NOL4: variants seen among roughly 807,000 people sequenced by gnomAD.
NOL4 encodes cancer/testis antigen 125.
Under a neutral mutation model 75.9 loss-of-function variants are expected in NOL4, and 17 were observed. That is an observed-to-expected ratio of 0.22 (90% CI 0.15 to 0.34). NOL4 has a LOEUF of 0.34. Ranked by LOEUF, NOL4 falls within the 10% of genes least tolerant of loss-of-function variation. NOL4 has a pLI of 1.00. For missense variants in NOL4, 614 were observed against 793.5 expected, an observed-to-expected ratio of 0.77 and a Z score of 2.72; for synonymous variants, 292 against 289.9, an observed-to-expected ratio of 1.01 and a Z score of -0.07.
chr18:34,075,996 A>G (rs1250764780), intron 5 of NOL4, among the ~76,000 whole-genome samples: 7 of 152,108 alleles, frequency 4.6e-5, no homozygotes, highest in African/African-American at 1.4e-4. Flanking sequence ...TAAATTTTTT[A>G]TAAGAAAGAA....
At chr18:33,941,643 GT>G (rs1485199168) in intron 9 of NOL4, among the ~76,000 whole-genome samples, 1 of 151,860 alleles carries the variant, frequency 6.6e-6, no homozygotes, top group Non-Finnish European at 1.5e-5. Context: ...GTCATTTAAA[GT>G]TCTCATAACG....
At chr18:34,169,242 A>G (rs1441340426) in intron 1 of NOL4, among the ~76,000 whole-genome samples, 3 of 152,024 alleles carry the variant, frequency 2.0e-5, no homozygotes, top group Non-Finnish European at 4.4e-5. Flanking sequence ...GATTTATCAC[A>G]TATGTATAGG....
chr18:33,862,683 C>T (rs2144310571), intron 10 of NOL4, among the ~76,000 whole-genome samples: 1 of 152,308 alleles, frequency 6.6e-6, no homozygotes, highest in Non-Finnish European at 1.5e-5. Context: ...CTCACCATCA[C>T]TGGCCATCAG....
In NOL4 at chr18:34,095,832, T is replaced by C. The variant is rs764897290; in HGVS notation, c.640-2235A>G. The stretch of plus-strand genomic sequence containing the variant: ...AAACAAAATGTGTTACTAAAGTAGC[T>C]GTGTGTTTACATAAACATATAAACA... On this transcript the variant is annotated intron_variant, in intron 4 of 10. Coordinates refer to ENST00000261592, the MANE Select transcript of NOL4 (RefSeq NM_003787.5). Among the ~76,000 whole-genome samples the C allele has an allele frequency of 3.4e-4, 51 of 152,112 alleles. 1 individual carries two copies. The highest frequency in any genetic ancestry group is 3.2e-3 in the Middle Eastern group (1 of 316).
At chr18:34,092,833 A>G (rs975478098) in intron 5 of NOL4, among the ~76,000 whole-genome samples, 1 of 152,222 alleles carries the variant, frequency 6.6e-6, no homozygotes, top group Non-Finnish European at 1.5e-5. Flanking sequence ...TATTAGGCCT[A>G]CAATGTTAGT....
intron 1 of NOL4, among the ~76,000 whole-genome samples, chr18:34,207,771 G>A (rs977079757): frequency 9.2e-5 from 14 of 152,132 alleles, no homozygotes; most frequent in Middle Eastern, 3.2e-3. Context: ...ATGTAGCCCT[G>A]AAAAAGAGAA....
At chr18:34,142,742 A>G (rs2146010489) in intron 1 of NOL4, among the ~76,000 whole-genome samples, 2 of 152,274 alleles carry the variant, frequency 1.3e-5, no homozygotes, top group Non-Finnish European at 2.9e-5. Flanking sequence ...ATGACGAGTT[A>G]ATGGGTGCAG....
intron 6 of NOL4, among the ~76,000 whole-genome samples, chr18:33,968,712 C>A (rs997047873): frequency 2.6e-5 from 4 of 151,936 alleles, no homozygotes; most frequent in Non-Finnish European, 5.9e-5. Context: ...TCAATCATAC[C>A]CCAAACTTTA....
intron 2 of NOL4, among the ~76,000 whole-genome samples, chr18:34,122,488 TAAAAG>T (rs536274379): frequency 7.2e-5 from 11 of 152,020 alleles, no homozygotes; most frequent in Non-Finnish European, 1.2e-4. Flanking sequence ...AACTCCATAT[TAAAAG>T]AAAAAAACCA....
chr18:33,973,806 G>A (rs1378907928), intron 6 of NOL4, among the ~76,000 whole-genome samples: 1 of 152,172 alleles, frequency 6.6e-6, no homozygotes, highest in Non-Finnish European at 1.5e-5. Flanking sequence ...AGTAAACCAT[G>A]CTGTACACAG....
At chr18:33,951,651 T>C (rs992567029) in intron 8 of NOL4, among the ~76,000 whole-genome samples, 1 of 152,162 alleles carries the variant, frequency 6.6e-6, no homozygotes, top group African/African-American at 2.4e-5. Context: ...ATTTAACTTC[T>C]CTTTTCTTCC....
At chr18:33,907,280 C>T (rs564863501) in intron 9 of NOL4, among the ~76,000 whole-genome samples, 44 of 149,200 alleles carry the variant, frequency 2.9e-4, no homozygotes, top group Middle Eastern at 3.4e-3. Flanking sequence ...CTGAGATCGC[C>T]TCCACTGCAC....
At chr18:33,854,790 C>A (rs946073726) in intron 10 of NOL4, among the ~76,000 whole-genome samples, 8 of 151,500 alleles carry the variant, frequency 5.3e-5, no homozygotes, top group Non-Finnish European at 8.8e-5. Flanking sequence ...TGCTGTCAAT[C>A]CAAGTTGATT....
chr18:33,931,135 G>A (rs1371490976), intron 9 of NOL4, among the ~76,000 whole-genome samples: 1 of 152,120 alleles, frequency 6.6e-6, no homozygotes, highest in Non-Finnish European at 1.5e-5. Context: ...GAAAATGTGA[G>A]GACTTTGAGC....
chr18:33,966,927 G>A (rs867289091), intron 6 of NOL4, among the ~76,000 whole-genome samples: 7 of 152,226 alleles, frequency 4.6e-5, no homozygotes, highest in Non-Finnish European at 1.0e-4. Flanking sequence ...CAGAGTCAAC[G>A]CTATTCCTAT....
At chr18:33,877,221 C>T (rs541851990) in intron 10 of NOL4, among the ~76,000 whole-genome samples, 26 of 151,914 alleles carry the variant, frequency 1.7e-4, no homozygotes, top group African/African-American at 6.0e-4. Flanking sequence ...ATCATCTCAT[C>T]ATATAAGAAC....
rs573581034 is a variant in NOL4, at chr18:34,012,794, C to T, written c.1056+6524G>A. 2.6e-5 allele frequency among the ~76,000 whole-genome samples: 4 copies of T among 152,024 alleles called. No homozygotes were observed. The East Asian group carries it at 7.8e-4, about 29-fold the overall frequency. On this transcript the variant is annotated intron_variant, in intron 6 of 10. Transcript: ENST00000261592. Reference sequence around the variant, plus strand: ...ATTTCAAATAAGAAAATAAGAAATGCCATTGCAAGTATTTGCTATTTATCA... The same window carrying T: ...ATTTCAAATAAGAAAATAAGAAATGTCATTGCAAGTATTTGCTATTTATCA...
chr18:33,877,881 T>C (rs1276599127), intron 10 of NOL4, among the ~76,000 whole-genome samples: 2 of 151,692 alleles, frequency 1.3e-5, no homozygotes, highest in Non-Finnish European at 2.9e-5. Flanking sequence ...AGAGGTTAAA[T>C]TGAGGATACT....
At chr18:33,978,558 C>A (rs1371381498) in intron 6 of NOL4, among the ~76,000 whole-genome samples, 19 of 152,042 alleles carry the variant, frequency 1.2e-4, no homozygotes, top group Non-Finnish European at 2.9e-5. Context: ...TGATACAAAG[C>A]AAGCACCCAA....
Sources: gnomAD v4.1 joint callset for allele counts (sites outside exome capture counted in the v4.1 genomes callset) on GRCh38, gnomAD v4.1.1 for gene constraint, MANE v1.5 for transcripts, NCBI Gene and HGNC (gene_info 2026-07-23, HGNC 2026-07-21) for gene names.